The following NBPF20 variants were observed in gnomAD, a reference collection of about 807,000 sequenced individuals.
The protein encoded by NBPF20 is NBPF family member NBPF20.
Under a neutral mutation model 68.1 loss-of-function variants are expected in NBPF20, and 90 were observed. The ratio of observed to expected loss-of-function variants is 1.32; its 90% CI spans 1.11 to 1.58. The LOEUF (loss-of-function observed/expected upper bound fraction) is 1.58, where lower values mean the gene tolerates loss of function less well. Among genes scored for constraint, NBPF20 ranks in the 40% most tolerant of loss-of-function variants. NBPF20 has a pLI of 0.00. For missense variants in NBPF20, 816 were observed against 601.2 expected (o/e 1.36, Z -3.74); for synonymous variants, 290 against 228.1 (o/e 1.27, Z -2.45).
At chr1:145,291,428 G>T in exon 138 of NBPF20, 2 of 1,609,562 alleles carry the variant, frequency 1.2e-6, no homozygotes, top group South Asian at 2.2e-5. Context: ...CCCATCCTAT[G>T]TCTGGGCTTC....
At chr1:145,290,091 G>GCAA (rs1322487005) in exon 138 of NBPF20, 6 of 149,416 alleles carry the variant, frequency 4.0e-5, no homozygotes, top group African/African-American at 1.5e-4. Flanking sequence ...TCTTCTTTTT[G>GCAA]CAACAGCAGA....
exon 8 of NBPF20, chr1:145,395,076 A>G (rs2101543153): frequency 4.3e-6 from 7 of 1,610,622 alleles, no homozygotes; most frequent in African/African-American, 2.7e-5. Flanking sequence ...AGGAATTGAG[A>G]GAGTCGAATA....
intron 7 of NBPF20, among the ~76,000 whole-genome samples, chr1:145,396,727 T>A (rs1251367453): frequency 7.2e-6 from 1 of 138,040 alleles, no homozygotes; most frequent in African/African-American, 3.1e-5. Context: ...ATATGTATAG[T>A]TTTCCTTTAT....
At chr1:145,412,300 C>A in the NBPF20 span, among the ~76,000 whole-genome samples, 4 of 152,018 alleles carry the variant, frequency 2.6e-5, no homozygotes, top group Non-Finnish European at 5.9e-5. Flanking sequence ...AGTTGAAAAA[C>A]CTTTGTCTAC....
At chr1:145,410,843 A>G in the NBPF20 span, among the ~76,000 whole-genome samples, 1 of 130,114 alleles carries the variant, frequency 7.7e-6, no homozygotes, top group Admixed American at 7.8e-5. Context: ...TATATTCCCT[A>G]TTTGGAGATA....
At chr1:145,342,762 C>T (rs1661628090) in intron 73 of NBPF20, among the ~76,000 whole-genome samples, 1 of 116,232 alleles carries the variant, frequency 8.6e-6, no homozygotes, top group Non-Finnish European at 1.8e-5. Context: ...GATAGACACA[C>T]ACACACACAC....
chr1:145,410,795 T>TAC, the NBPF20 span, among the ~76,000 whole-genome samples: 1 of 104,174 alleles, frequency 9.6e-6, no homozygotes, highest in African/African-American at 4.0e-5. Flanking sequence ...CACATATATA[T>TAC]ACGTATATGT....
At chr1:145,415,068 A>G in the NBPF20 span, among the ~76,000 whole-genome samples, 617 of 134,268 alleles carry the variant, frequency 4.6e-3, no homozygotes, top group South Asian at 7.4e-3. Flanking sequence ...ATTATCGGGC[A>G]TTTCCGGAGA....
chr1:145,397,281 C>T (rs1269047442), intron 7 of NBPF20, among the ~76,000 whole-genome samples: 2 of 151,936 alleles, frequency 1.3e-5, no homozygotes, highest in East Asian at 1.9e-4. Flanking sequence ...TGGGTACACA[C>T]CCAGTAATGG....
intron 7 of NBPF20, among the ~76,000 whole-genome samples, chr1:145,395,585 A>G (rs1471317607): frequency 2.0e-5 from 3 of 149,740 alleles, no homozygotes; most frequent in African/African-American, 7.6e-5. Flanking sequence ...TACTTTTTCA[A>G]TTTCTTTTCT....
At position 145,390,341 on chromosome 1, in the gene NBPF20, C is replaced by T. The variant is rs1219491216; in HGVS notation, c.1494-225G>A. ...ACACACACACACACACACACACACA[C>T]ACAGACACACACACAGACACACACA... On this transcript the variant is annotated intron_variant, in intron 13 of 137. Transcript: ENST00000369373. Among the ~76,000 whole-genome samples the T allele has an allele frequency of 6.2e-5, 4 of 64,294 alleles. 2 individuals are homozygous for T. The highest frequency in any genetic ancestry group is 1.0e-4 in the Non-Finnish European group (4 of 38,442). 42.2% of individuals were successfully genotyped at this position (64,294 alleles called of 152,430 possible).
chr1:145,393,716 G>A (rs1342731018), intron 9 of NBPF20, 168 bp downstream of exon 14: 6 of 1,491,832 alleles, frequency 4.0e-6, no homozygotes, highest in Non-Finnish European at 5.5e-6. Flanking sequence ...AGGAAGAAAT[G>A]GAAACCTAAA....
exon 137 of NBPF20, chr1:145,292,459 C>T (rs782152276): frequency 2.8e-6 from 2 of 717,736 alleles, no homozygotes; most frequent in Middle Eastern, 3.8e-4. Context: ...TCTTCCCCTT[C>T]TTTTCTTCCC....
chr1:145,400,437 C>T (rs1311554020), exon 6 of NBPF20: 1 of 1,613,108 alleles, frequency 6.2e-7, no homozygotes, highest in African/African-American at 1.3e-5. Flanking sequence ...GAGGATGAGC[C>T]AATCAGAGTT....
At chr1:145,416,290 T>A in the NBPF20 span, among the ~76,000 whole-genome samples, 6 of 116,884 alleles carry the variant, frequency 5.1e-5, no homozygotes, top group Admixed American at 4.7e-4. Context: ...CCAGCACAGA[T>A]GAACCAATTC....
At chr1:145,401,217 C>T (rs1662507497) in intron 4 of NBPF20, 86 bp from the exon 10 acceptor site, 2 of 1,095,870 alleles carry the variant, frequency 1.8e-6, no homozygotes, top group South Asian at 1.2e-5. Flanking sequence ...GAGACATGAA[C>T]ATCTAGGCAT....
At position 145,378,075 on chromosome 1, in the gene NBPF20, T is replaced by A; in HGVS notation, c.3432A>T (p.Glu1144Asp). The change falls in exon 29 of 138, where the codon GAA (glutamate) becomes GAT (aspartate). Residue 1144 changes from glutamate (E) to aspartate (D), a missense_variant. Coordinates refer to ENST00000369373, the Ensembl canonical transcript of NBPF20. ...ATGATGGGTCTTGGTCTTCTTCCAC[T>A]TCTTGGTACTTTTCAATTTCTGCAA... The A allele has an allele frequency of 1.4e-5, 3 of 214,764 alleles. 1 individual carries two copies. Among genetic ancestry groups the A allele is most frequent in the Non-Finnish European group, 2.5e-5 (3 of 120,714 alleles). 13.3% of individuals were successfully genotyped at this position (214,764 alleles called of 1,614,324 possible). A position where few individuals can be genotyped will look rare whatever the true frequency, so the allele number is the denominator to read the frequency against.
At chr1:145,405,534 G>A in exon 1 of NBPF20, 2 of 1,279,012 alleles carry the variant, frequency 1.6e-6, no homozygotes, top group Non-Finnish European at 2.1e-6. Context: ...TAAGAGTGAG[G>A]TAGATTGTGG....
chr1:145,409,686 C>G (rs1337161093), upstream of NBPF20, among the ~76,000 whole-genome samples: 6 of 150,858 alleles, frequency 4.0e-5, no homozygotes, highest in African/African-American at 1.5e-4. Flanking sequence ...AAGATAAGGG[C>G]CCCCAGCACC....
Sources: allele counts gnomAD v4.1 joint callset (sites outside exome capture counted in the v4.1 genomes callset), GRCh38; gene constraint gnomAD v4.1.1; transcripts MANE v1.5; gene names NCBI Gene and HGNC (gene_info 2026-07-23, HGNC 2026-07-21).